SBNO1: variants seen among roughly 807,000 people sequenced by gnomAD.
SBNO1 encodes protein strawberry notch homolog 1.
In SBNO1, 23 loss-of-function variants were observed where a neutral mutation model predicts 173.6. That is an observed-to-expected ratio of 0.13 (90% confidence interval 0.10 to 0.19). The LOEUF (loss-of-function observed/expected upper bound fraction) is 0.19. Among genes scored for constraint, SBNO1 ranks in the 10% least tolerant of loss-of-function variants. The pLI, the probability that SBNO1 is intolerant of heterozygous loss-of-function variation, is 1.00. For synonymous variants in SBNO1, 632 were observed against 571.5 expected, an observed-to-expected ratio of 1.11 and a Z score of -1.51; for missense variants, 1,238 against 1,671.2, an observed-to-expected ratio of 0.74 and a Z score of 4.52.
chr12:123,333,216 T>C (rs1871423917), intron 7 of SBNO1, among the ~76,000 whole-genome samples: 1 of 152,124 alleles, frequency 6.6e-6, no homozygotes, highest in East Asian at 1.9e-4. Context: ...GGAGGATAAA[T>C]GGCTATTTTG....
intron 29 of SBNO1, among the ~76,000 whole-genome samples, chr12:123,304,065 G>C (rs1323799189): frequency 2.6e-5 from 4 of 151,330 alleles, no homozygotes; most frequent in Non-Finnish European, 5.9e-5. Context: ...TGAGTAACTG[G>C]GATTACAGGC....
rs111390799 is a variant in SBNO1, at chr12:123,350,251, T to TA, written c.132+58dup. The TA allele has an allele frequency of 3.7e-4, 579 of 1,558,300 alleles. 3 individuals carry two copies. Among genetic ancestry groups the TA allele is most frequent in the South Asian group, 1.6e-3 (145 of 87,920 alleles). On this transcript the variant is annotated intron_variant, in intron 2 of 31. Transcript: ENST00000602398. ...CCTGGGCCACAGAGTGAGACTATCT[T>TA]AAAAAAAAATACTGTAAGCGGAAAT...
At chr12:123,360,277 A>G (rs1874991984) in intron 1 of SBNO1, among the ~76,000 whole-genome samples, 1 of 151,876 alleles carries the variant, frequency 6.6e-6, no homozygotes, top group Non-Finnish European at 1.5e-5. Context: ...CTTTACACCA[A>G]CTTTAGAAAG....
chr12:123,363,167 GA>G (rs143801179), intron 1 of SBNO1, among the ~76,000 whole-genome samples: 2 of 152,010 alleles, frequency 1.3e-5, no homozygotes, highest in African/African-American at 2.4e-5. Context: ...AGAAGCCAGA[GA>G]AAAAAAGTAA....
chr12:123,304,296 G>C (rs778865477), intron 29 of SBNO1, among the ~76,000 whole-genome samples: 1 of 152,036 alleles, frequency 6.6e-6, no homozygotes, highest in South Asian at 2.1e-4. Context: ...GAGCAATAGC[G>C]TGATCTTGGC....
At chr12:123,320,330 A>G in intron 19 of SBNO1, 102 bp downstream of exon 19, 1 of 1,145,154 alleles carries the variant, frequency 8.7e-7, no homozygotes, top group Non-Finnish European at 1.2e-6. Context: ...GAATTCTATG[A>G]TCTAAGAAAT....
At chr12:123,327,298 C>G (rs771454786) in intron 13 of SBNO1, 128 bp downstream of exon 13, 23 of 786,968 alleles carry the variant, frequency 2.9e-5, no homozygotes, top group Middle Eastern at 3.8e-4. Flanking sequence ...GACACCGTGC[C>G]TGGCTTCATC....
intron 4 of SBNO1, among the ~76,000 whole-genome samples, chr12:123,344,601 C>T (rs917864385): frequency 4.6e-5 from 7 of 152,184 alleles, no homozygotes; most frequent in Non-Finnish European, 1.0e-4. Context: ...ATCCCAACAA[C>T]ACTTTGGGAG....
intron 12 of SBNO1, 58 bp downstream of exon 12, chr12:123,327,649 G>A: frequency 1.3e-6 from 2 of 1,587,956 alleles, no homozygotes; most frequent in East Asian, 2.2e-5. Context: ...ATGGGCTTTA[G>A]GAATAACACA....
At chr12:123,343,586 T>A (rs6416290) in intron 4 of SBNO1, among the ~76,000 whole-genome samples, 132,474 of 148,872 alleles carry the variant, frequency 0.89, 59,061 homozygotes, top group Middle Eastern at 0.94. Flanking sequence ...TCGCCCAGGC[T>A]GGAGTGCAGT....
chr12:123,304,988 A>C (rs543744786), intron 28 of SBNO1, among the ~76,000 whole-genome samples: 120 of 152,338 alleles, frequency 7.9e-4, no homozygotes, highest in Non-Finnish European at 1.3e-3. Context: ...TTAATGCACA[A>C]ATGTCCAACA....
At chr12:123,348,428 C>G (rs1397960655) in intron 2 of SBNO1, among the ~76,000 whole-genome samples, 1 of 152,030 alleles carries the variant, frequency 6.6e-6, no homozygotes, top group Non-Finnish European at 1.5e-5. Flanking sequence ...TTGAGACCAG[C>G]CTGTCCAACA....
chr12:123,356,780 T>G (rs1365605696), intron 1 of SBNO1, among the ~76,000 whole-genome samples: 3 of 152,246 alleles, frequency 2.0e-5, no homozygotes, highest in African/African-American at 7.2e-5. Flanking sequence ...CCTTTTTATC[T>G]TAAAGTGTTA....
At chr12:123,346,685 T>A (rs1249884470) in intron 3 of SBNO1, among the ~76,000 whole-genome samples, 1 of 150,886 alleles carries the variant, frequency 6.6e-6, no homozygotes, top group Non-Finnish European at 1.5e-5. Context: ...AATAAAAGAA[T>A]AAAAATAATA....
rs760970219 is a variant in SBNO1 at position 123,309,297 on chromosome 12, G to A, written c.3630+13C>T. On this transcript the variant is annotated intron_variant, in intron 28 of 31. Transcript: ENST00000602398. Reference sequence around the variant, plus strand: ...ATTATATATCTGAATAGAATTTAAAGGAAAAGTCGTACTTGCAATGACAAG... The same window carrying A: ...ATTATATATCTGAATAGAATTTAAAAGAAAAGTCGTACTTGCAATGACAAG... The A allele has an allele frequency of 1.9e-6, 3 of 1,601,152 alleles. No individual in the cohort carries two copies. In the South Asian group the frequency reaches 3.3e-5, roughly 18 times the overall value.
intron 13 of SBNO1, among the ~76,000 whole-genome samples, chr12:123,326,699 G>A (rs933772334): frequency 1.3e-5 from 2 of 152,214 alleles, no homozygotes; most frequent in African/African-American, 2.4e-5. Context: ...GCTGAGGCAG[G>A]TGGATTGCTT....
Position 123,323,756 on chromosome 12 carries a change from G to A in SBNO1, c.2049C>T (p.Ile683=), listed in dbSNP as rs763912666. 3.7e-6 allele frequency: 6 copies of A among 1,612,372 alleles called. No individual in the cohort carries two copies. Among genetic ancestry groups the A allele is most frequent in the Middle Eastern group, 1.7e-4 (1 of 6,060 alleles). The change falls in exon 16 of 32, where the codon ATC becomes ATT. Residue 683 remains isoleucine, a synonymous_variant. Transcript: ENST00000602398. ...TGTTGTTACTTGGAGCTGTCAAATC[G>A]ATTCCTAGTAAACTATAAAGTTTTT... ...DRKKLYSLLG[I]DLTAPSNNSS...
rs200314097 is a variant in SBNO1 at position 123,296,071 on chromosome 12, T to G, written c.4040-21A>C. On this transcript the variant is annotated intron_variant, in intron 31 of 31. Coordinates refer to ENST00000602398, the MANE Select transcript of SBNO1 (RefSeq NM_001167856.3). ...CAAACCTGTAATTAGTAACAAGAATTTATCAAGTTGTGTCCAGAAGAAACC... is the reference window on the plus strand; with the variant it reads ...CAAACCTGTAATTAGTAACAAGAATGTATCAAGTTGTGTCCAGAAGAAACC... 509 of 1,557,030 alleles carry G rather than the reference T, an allele frequency of 3.3e-4. 1 individual carries two copies. The highest frequency in any genetic ancestry group is 3.8e-4 in the Non-Finnish European group (433 of 1,128,350).
At chr12:123,314,395 A>C (rs1442589395) in intron 23 of SBNO1, among the ~76,000 whole-genome samples, 2 of 148,946 alleles carry the variant, frequency 1.3e-5, no homozygotes, top group Non-Finnish European at 3.0e-5. Flanking sequence ...AGTGGTGTAA[A>C]CTCGGCTCAC....
Sources: gnomAD v4.1 joint callset for allele counts (sites outside exome capture counted in the v4.1 genomes callset) on GRCh38, gnomAD v4.1.1 for gene constraint, MANE v1.5 for transcripts, NCBI Gene and HGNC (gene_info 2026-07-23, HGNC 2026-07-21) for gene names.